AP1M1: variants seen among roughly 807,000 people sequenced by gnomAD.
The protein encoded by AP1M1 is AP-1 complex subunit mu-1.
Under a neutral mutation model 57.1 loss-of-function variants are expected in AP1M1, and 18 were observed. That is an observed-to-expected ratio of 0.32 (90% confidence interval 0.22 to 0.47). AP1M1 has a LOEUF of 0.47. Among genes scored for constraint, AP1M1 ranks in the 20% least tolerant of loss-of-function variants. The probability of loss-of-function intolerance (pLI) is 1.00; values close to 1 mark genes in which losing one functional copy is unlikely to be tolerated. For missense variants in AP1M1, 362 were observed against 593.5 expected, an observed-to-expected ratio of 0.61 and a Z score of 4.05; for synonymous variants, 241 against 237.9, an observed-to-expected ratio of 1.01 and a Z score of -0.12.
At chr19:16,232,820 G>A (rs2091604904) in intron 9 of AP1M1, among the ~76,000 whole-genome samples, 1 of 152,182 alleles carries the variant, frequency 6.6e-6, no homozygotes, top group African/African-American at 2.4e-5. Context: ...TGCTCAGGGC[G>A]AGACCAGGCG....
chr19:16,215,766 A>G (rs1433224374), intron 5 of AP1M1, among the ~76,000 whole-genome samples: 1 of 152,144 alleles, frequency 6.6e-6, no homozygotes, highest in Non-Finnish European at 1.5e-5. Context: ...ACGTTTTCCA[A>G]GTTGCTTCCA....
chr19:16,212,010 T>C (rs1166102114), intron 5 of AP1M1, among the ~76,000 whole-genome samples: 1 of 152,216 alleles, frequency 6.6e-6, no homozygotes, highest in Non-Finnish European at 1.5e-5. Flanking sequence ...ACTAGTATTT[T>C]GTTGAGGATT....
chr19:16,226,451 G>C lies in AP1M1; in HGVS notation c.577G>C (p.Glu193Gln). The change falls in exon 6 of 12, where the codon GAG becomes CAG. Residue 193 changes from glutamate (E) to glutamine (Q), a missense_variant. By Grantham distance (29) the Glu-to-Gln change is conservative. This residue lies in a region of AP1M1 where 337 missense variants were observed against 511.1 expected (regional missense o/e 0.66). Transcript: ENST00000291439. ...CGCCAACGGCAATGTCCTGCGCAGC[G>C]AGATCGTGGGCTCCATCAAGATGCG... ...VSANGNVLRS[E>Q]IVGSIKMRVF... The C allele has an allele frequency of 6.4e-7, 1 of 1,567,196 alleles. No individual in the cohort carries two copies. Among genetic ancestry groups the C allele is most frequent in the Non-Finnish European group, 8.6e-7 (1 of 1,157,590 alleles).
chr19:16,203,124 C>A lies in AP1M1; in HGVS notation c.43-335C>A, dbSNP rs1205492719. The A allele has an allele frequency of 1.0e-5, 3 of 289,698 alleles. No homozygotes were observed. Among genetic ancestry groups the A allele is most frequent in the South Asian group, 3.5e-5 (1 of 28,358 alleles). 17.9% of individuals were successfully genotyped at this position (289,698 alleles called of 1,614,324 possible). A position where few individuals can be genotyped will look rare whatever the true frequency, so the allele number is the denominator to read the frequency against. ...AAGGTGCGTTGGCCCGGCAAAGGCT[C>A]TGAGAAGGTCTGCATTGAGAGCTTG... On this transcript the variant is annotated intron_variant, in intron 1 of 11. Transcript: ENST00000291439. This position sits in a 1 kb window ranked among gnomAD's most constrained non-coding sequence, Gnocchi z 4.6.
At chr19:16,234,318 C>G (rs1406511209) in intron 11 of AP1M1, 44 bp downstream of exon 11, 1 of 1,612,898 alleles carries the variant, frequency 6.2e-7, no homozygotes, top group Non-Finnish European at 8.5e-7. Context: ...ACTGAGGGGT[C>G]CTCTGTGGCT....
chr19:16,211,546 A>C (rs2091493712), intron 5 of AP1M1, among the ~76,000 whole-genome samples: 1 of 152,082 alleles, frequency 6.6e-6, no homozygotes, highest in African/African-American at 2.4e-5. Context: ...TGTTCCTTCA[A>C]AACCTAGTTA....
In AP1M1 at chr19:16,245,327, G is replaced by A. The variant is rs1323232562; in HGVS notation, c.*10892G>A. The A allele has an allele frequency of 6.6e-6, 1 of 151,902 alleles. No homozygotes were observed. Among genetic ancestry groups the A allele is most frequent in the African/African-American group, 2.4e-5 (1 of 41,276 alleles). The allele number at this position is 151,902 out of a possible 1,614,324, so 9.4% of individuals were successfully genotyped here. A position where few individuals can be genotyped will look rare whatever the true frequency, so the allele number is the denominator to read the frequency against. On this transcript the variant is annotated 3_prime_UTR_variant, in exon 12 of 12. Coordinates refer to ENST00000291439, the MANE Select transcript of AP1M1 (RefSeq NM_032493.4). ...GACAGAGTCTCACTCTGTCGCCCAG[G>A]CTGGAGTGCAGTGGCGTGATCTCAG...
intron 4 of AP1M1, 154 bp downstream of exon 4, chr19:16,208,303 CT>C: frequency 1.2e-6 from 1 of 818,270 alleles, no homozygotes; most frequent in Non-Finnish European, 1.8e-6. Flanking sequence ...CTAAGTTGCT[CT>C]TAGTGGTTTT....
rs539934027 is a variant in AP1M1 at position 16,225,105 on chromosome 19, C to T, written c.547-1316C>T. 2.6e-5 allele frequency among the ~76,000 whole-genome samples: 4 copies of T among 152,310 alleles called. No individual in the cohort carries two copies. In the South Asian group the frequency reaches 8.3e-4, roughly 32 times the overall value. On this transcript the variant is annotated intron_variant, in intron 5 of 11. Transcript: ENST00000291439. ...GTGACAGAACCGGAGCCCTTGGGGCCATGTCCGGTTCCCTGCCCCTCCCAG... is the reference window on the plus strand; with the variant it reads ...GTGACAGAACCGGAGCCCTTGGGGCTATGTCCGGTTCCCTGCCCCTCCCAG...
Position 16,243,400 on chromosome 19 carries a change from C to A in AP1M1, c.*8965C>A, listed in dbSNP as rs902746223. ...CCTCCCATCTCAGTCTCACAAGTAGCTGGGATTACAGGTGAGCACCACCAA... is the reference window on the plus strand; with the variant it reads ...CCTCCCATCTCAGTCTCACAAGTAGATGGGATTACAGGTGAGCACCACCAA... On this transcript the variant is annotated 3_prime_UTR_variant, in exon 12 of 12. Transcript: ENST00000291439. 12 of 146,764 alleles carry A rather than the reference C, an allele frequency of 8.2e-5. No individual in the cohort carries two copies. Among genetic ancestry groups the A allele is most frequent in the African/African-American group, 3.0e-4 (12 of 40,540 alleles). The allele number at this position is 146,764 out of a possible 1,614,324, so 9.1% of individuals were successfully genotyped here. A position where few individuals can be genotyped will look rare whatever the true frequency, so the allele number is the denominator to read the frequency against.
intron 9 of AP1M1, 141 bp downstream of exon 9, chr19:16,229,069 G>A: frequency 9.9e-7 from 1 of 1,008,400 alleles, no homozygotes; most frequent in East Asian, 2.6e-5. Context: ...TGAAAGGGTG[G>A]ACGGAGAGCT....
chr19:16,236,604 G>C lies in AP1M1; in HGVS notation c.*2169G>C, dbSNP rs1199812582. On this transcript the variant is annotated 3_prime_UTR_variant, in exon 12 of 12. Transcript: ENST00000291439. ...CATGATACTTAACAGTAAAAAGATG[G>C]ACTAGAAAAAACATTTGCCCTCCAC... The C allele has an allele frequency of 6.6e-6, 1 of 152,086 alleles. No individual in the cohort carries two copies. The highest frequency in any genetic ancestry group is 2.4e-5 in the African/African-American group (1 of 41,390). 9.4% of individuals were successfully genotyped at this position (152,086 alleles called of 1,614,324 possible).
intron 9 of AP1M1, among the ~76,000 whole-genome samples, chr19:16,230,611 A>C (rs956863227): frequency 1.3e-5 from 2 of 152,102 alleles, no homozygotes; most frequent in Admixed American, 1.3e-4. Flanking sequence ...ATGTTGGCCA[A>C]GCTGGTGACG....
chr19:16,204,968 C>T (rs1015337438), intron 2 of AP1M1, among the ~76,000 whole-genome samples: 5 of 151,294 alleles, frequency 3.3e-5, no homozygotes, highest in Admixed American at 2.0e-4. Context: ...GTAGCTGGGA[C>T]TACAGGCGCC....
intron 4 of AP1M1, 24 bp downstream of exon 4, chr19:16,208,173 G>A (rs1461145617): frequency 2.5e-6 from 4 of 1,604,090 alleles, no homozygotes; most frequent in African/African-American, 1.3e-5. Flanking sequence ...GGTGGGGCCT[G>A]GGGCCAGGCC....
In AP1M1 at chr19:16,239,306, A is replaced by C. The variant is rs2091637072; in HGVS notation, c.*4871A>C. 1 of 116,158 alleles carries C rather than the reference A, an allele frequency of 8.6e-6. No individual in the cohort carries two copies. Among genetic ancestry groups the C allele is most frequent in the African/African-American group, 3.3e-5 (1 of 30,126 alleles). The allele number at this position is 116,158 out of a possible 1,614,324, so 7.2% of individuals were successfully genotyped here. A position where few individuals can be genotyped will look rare whatever the true frequency, so the allele number is the denominator to read the frequency against. On this transcript the variant is annotated 3_prime_UTR_variant, in exon 12 of 12. Coordinates refer to ENST00000291439, the MANE Select transcript of AP1M1 (RefSeq NM_032493.4). Reference sequence around the variant, plus strand: ...AGACTGCAAAGCTGGGCATGGTAGTATGCACCTGTAGTCCCAACTACTTGG... The same window carrying C: ...AGACTGCAAAGCTGGGCATGGTAGTCTGCACCTGTAGTCCCAACTACTTGG...
At chr19:16,219,582 G>C (rs903943794) in intron 5 of AP1M1, among the ~76,000 whole-genome samples, 1 of 151,950 alleles carries the variant, frequency 6.6e-6, no homozygotes, top group African/African-American at 2.4e-5. Flanking sequence ...ATTTTTAGTA[G>C]AAACGGGGTT....
intron 2 of AP1M1, among the ~76,000 whole-genome samples, chr19:16,205,606 G>T (rs1384236015): frequency 6.6e-6 from 1 of 152,166 alleles, no homozygotes; most frequent in Non-Finnish European, 1.5e-5. Flanking sequence ...CATGAACAGG[G>T]ATGTCCAGGG....
chr19:16,204,140 G>T (rs150730314), intron 2 of AP1M1, among the ~76,000 whole-genome samples: 1,629 of 152,166 alleles, frequency 0.011, 10 homozygotes, highest in Middle Eastern at 0.027. Context: ...AGACTGTGGG[G>T]ACAGGAGAGG....
Sources: gnomAD v4.1 joint callset for allele counts (sites outside exome capture counted in the v4.1 genomes callset) on GRCh38, gnomAD v4.1.1 for gene constraint, gnomAD v4.1.1 regional missense constraint, Gnocchi (gnomAD v3.1) non-coding constraint, MANE v1.5 for transcripts, NCBI Gene and HGNC (gene_info 2026-07-23, HGNC 2026-07-21) for gene names.